Variants in MYO16 observed in about 807,000 individuals in gnomAD.
MYO16 encodes unconventional myosin-XVI.
In MYO16, 94 loss-of-function variants were observed where a neutral mutation model predicts 205.3. That is an observed-to-expected ratio of 0.46 (90% confidence interval 0.39 to 0.54). The LOEUF is 0.54. MYO16 is among the 20% of genes least tolerant of loss of function. MYO16 has a pLI of 0.00. For synonymous variants in MYO16, 988 were observed against 954.0 expected (o/e 1.04, Z -0.66); for missense variants, 2,315 against 2,387.5 (o/e 0.97, Z 0.63).
At chr13:109,073,975 A>C (rs1463379684) in intron 27 of MYO16, among the ~76,000 whole-genome samples, 3 of 152,232 alleles carry the variant, frequency 2.0e-5, no homozygotes, top group Non-Finnish European at 4.4e-5. Context: ...GTACTCCTTC[A>C]GTGTTTACTT....
chr13:108,997,401 AGAGTGG>A (rs1885062076), intron 21 of MYO16, among the ~76,000 whole-genome samples: 1 of 41,356 alleles, frequency 2.4e-5, no homozygotes. Context: ...GGAGGGAGGG[AGAGTGG>A]GAGGAAAGGA....
intron 16 of MYO16, among the ~76,000 whole-genome samples, chr13:108,951,998 CCA>C (rs1268076956): frequency 6.6e-6 from 1 of 151,962 alleles, no homozygotes; most frequent in Admixed American, 6.6e-5. Flanking sequence ...CCCAGCCACT[CCA>C]CTCAGGAGAC....
intron 1 of MYO16, among the ~76,000 whole-genome samples, chr13:108,611,017 T>C (rs986623607): frequency 6.6e-6 from 1 of 152,222 alleles, no homozygotes; most frequent in Non-Finnish European, 1.5e-5. Context: ...ATTTGAATGA[T>C]GAATTCTTAT....
chr13:108,874,737 T>TTAC (rs2139147478), intron 12 of MYO16, among the ~76,000 whole-genome samples: 1 of 148,758 alleles, frequency 6.7e-6, no homozygotes, highest in East Asian at 2.0e-4. Flanking sequence ...ATTATTATTA[T>TTAC]ATGTGATCTT....
intron 33 of MYO16, among the ~76,000 whole-genome samples, chr13:109,177,965 C>G (rs1431849775): frequency 1.3e-5 from 2 of 152,200 alleles, no homozygotes; most frequent in Non-Finnish European, 2.9e-5. Context: ...CAATCAGCCC[C>G]TTCCTCCCAG....
Position 109,067,606 on chromosome 13 carries a change from G to A in MYO16, c.3335+12011G>A, listed in dbSNP as rs138559771. Among the ~76,000 whole-genome samples the A allele has an allele frequency of 3.8e-3, 578 of 152,266 alleles. 4 individuals carry two copies. Among genetic ancestry groups the A allele is most frequent in the African/African-American group, 0.013 (539 of 41,550 alleles). On this transcript the variant is annotated intron_variant, in intron 27 of 34. Transcript: ENST00000457511. ...CTCAATTGCACAGGCACATCAGGAC[G>A]GCACTGTGACATCAGGTGAAAAGAA...
intron 20 of MYO16, among the ~76,000 whole-genome samples, chr13:108,986,038 T>G (rs1292750548): frequency 2.0e-5 from 3 of 152,120 alleles, no homozygotes; most frequent in Non-Finnish European, 2.9e-5. Flanking sequence ...CAGAGGCACA[T>G]CTTACATGGC....
intron 16 of MYO16, among the ~76,000 whole-genome samples, chr13:108,931,635 A>G (rs1882260705): frequency 6.6e-6 from 1 of 152,146 alleles, no homozygotes; most frequent in African/African-American, 2.4e-5. Flanking sequence ...AAGATTTGGG[A>G]CCCTGACTTA....
intron 16 of MYO16, among the ~76,000 whole-genome samples, chr13:108,953,843 A>G (rs575174242): frequency 1.3e-5 from 2 of 152,320 alleles, no homozygotes; most frequent in African/African-American, 4.8e-5. Flanking sequence ...GAGAAGTTTA[A>G]GCATTGTATA....
chr13:108,569,870 A>AT, the MYO16 span, among the ~76,000 whole-genome samples: 1 of 152,130 alleles, frequency 6.6e-6, no homozygotes, highest in African/African-American at 2.4e-5. Context: ...TACTGAAATA[A>AT]TTGTGTGTAT....
chr13:108,541,449 A>C, the MYO16 span, among the ~76,000 whole-genome samples: 1 of 151,646 alleles, frequency 6.6e-6, no homozygotes, highest in Non-Finnish European at 1.5e-5. Context: ...ATTCTATAAG[A>C]AATACACTTT....
chr13:108,533,734 T>C, the MYO16 span, among the ~76,000 whole-genome samples: 408 of 152,318 alleles, frequency 2.7e-3, 3 homozygotes, highest in African/African-American at 9.1e-3. Context: ...CAGGAAAAAA[T>C]AAAGATTTCC....
chr13:108,678,239 C>G (rs557867289), intron 2 of MYO16, among the ~76,000 whole-genome samples: 3 of 152,242 alleles, frequency 2.0e-5, no homozygotes, highest in Non-Finnish European at 4.4e-5. Context: ...TGCATAAACA[C>G]TGCTTCATAA....
At chr13:108,921,452 C>T (rs1183187156) in intron 16 of MYO16, among the ~76,000 whole-genome samples, 1 of 152,226 alleles carries the variant, frequency 6.6e-6, no homozygotes, top group Non-Finnish European at 1.5e-5. Context: ...TCCATATGCA[C>T]TCCCCATCTT....
chr13:109,101,060 G>A (rs1486991923), intron 28 of MYO16, among the ~76,000 whole-genome samples, 173 bp downstream of exon 28: 2 of 152,128 alleles, frequency 1.3e-5, no homozygotes, highest in Admixed American at 1.3e-4. Context: ...ATGACTTACC[G>A]ATTTTAACAT....
intron 33 of MYO16, among the ~76,000 whole-genome samples, chr13:109,179,036 A>C (rs897062551): frequency 1.3e-5 from 2 of 152,154 alleles, no homozygotes; most frequent in African/African-American, 4.8e-5. Flanking sequence ...AAATTCAGCC[A>C]ATCTCTTTGC....
intron 23 of MYO16, among the ~76,000 whole-genome samples, chr13:109,044,900 G>A (rs1194175956): frequency 6.6e-6 from 1 of 152,120 alleles, no homozygotes; most frequent in Non-Finnish European, 1.5e-5. Flanking sequence ...GTATTGGTCA[G>A]GCTGGTCTCA....
At chr13:109,021,938 T>G (rs1308220878) in intron 23 of MYO16, among the ~76,000 whole-genome samples, 1 of 151,760 alleles carries the variant, frequency 6.6e-6, no homozygotes, top group Admixed American at 6.6e-5. Flanking sequence ...ATAGGAAATG[T>G]ACCTGGGTGA....
intron 20 of MYO16, among the ~76,000 whole-genome samples, chr13:108,975,308 C>G (rs1884212451): frequency 6.6e-6 from 1 of 151,750 alleles, no homozygotes; most frequent in African/African-American, 2.4e-5. Flanking sequence ...GCTTGGGGCT[C>G]TATGTGTAAA....
Sources: gnomAD v4.1 joint callset for allele counts (sites outside exome capture counted in the v4.1 genomes callset) on GRCh38, gnomAD v4.1.1 for gene constraint, MANE v1.5 for transcripts, NCBI Gene and HGNC (gene_info 2026-07-23, HGNC 2026-07-21) for gene names.